ODR4: variants seen among roughly 807,000 people sequenced by gnomAD.
The protein encoded by ODR4 is odr-4 GPCR localization factor homolog.
A neutral mutation model predicts 60.2 loss-of-function variants in ODR4; 47 were observed. That is an observed-to-expected ratio of 0.78 (90% CI 0.62 to 1.00). The LOEUF is 1.00. ODR4 is among the 50% of genes least tolerant of loss of function. The pLI is 0.00. For synonymous variants in ODR4, 178 were observed against 175.5 expected (o/e 1.01, Z -0.11); for missense variants, 488 against 530.8 (o/e 0.92, Z 0.79).
intron 12 of ODR4, among the ~76,000 whole-genome samples, chr1:186,414,524 C>CTTT (rs753376955): frequency 1.4e-5 from 2 of 139,438 alleles, no homozygotes; most frequent in African/African-American, 2.6e-5. Flanking sequence ...AAACAAAAAC[C>CTTT]TTTTTTTTTT....
chr1:186,388,309 C>T, intron 4 of ODR4, 133 bp from the exon 5 acceptor site: 1 of 551,208 alleles, frequency 1.8e-6, no homozygotes, highest in Non-Finnish European at 3.1e-6. Flanking sequence ...TAGTGAGACC[C>T]CTTCTCCAAT....
chr1:186,394,097 A>C, intron 9 of ODR4, 82 bp downstream of exon 9: 1 of 852,434 alleles, frequency 1.2e-6, no homozygotes, highest in Admixed American at 2.9e-5. Flanking sequence ...TTCTCATTAG[A>C]GAATAAAAGG....
chr1:186,424,986 A>C (rs3115750), downstream of ODR4, among the ~76,000 whole-genome samples: 22,574 of 147,666 alleles, frequency 0.15, 2,095 homozygotes, highest in Non-Finnish European at 0.21. Context: ...AAAAAAAAAA[A>C]CCCCTTTTTG....
At chr1:186,383,273 C>A in intron 3 of ODR4, 117 bp downstream of exon 3, 1 of 1,173,282 alleles carries the variant, frequency 8.5e-7, no homozygotes, top group Non-Finnish European at 1.2e-6. Flanking sequence ...CTAAAGATGA[C>A]TGAGATTTTT....
At chr1:186,399,348 G>A in intron 11 of ODR4, 1 of 372,956 alleles carries the variant, frequency 2.7e-6, no homozygotes, top group South Asian at 2.3e-5. Flanking sequence ...TGGGCCTGCA[G>A]GCACATGCCA....
chr1:186,400,779 C>T (rs1384884757), intron 11 of ODR4: 2 of 320,552 alleles, frequency 6.2e-6, no homozygotes, highest in African/African-American at 4.4e-5. Flanking sequence ...AATTCACAAC[C>T]CTAAAGTTCC....
rs762499973 is a variant in ODR4, at chr1:186,386,033, A to G, written c.280A>G (p.Ile94Val). The change falls in exon 4 of 14, where the codon ATT (isoleucine) becomes GTT (valine). Residue 94 changes from isoleucine (I) to valine (V), a missense_variant. Physicochemically the swap from Ile to Val is conservative, Grantham distance 29 (BLOSUM62 3). Coordinates refer to ENST00000287859, the MANE Select transcript of ODR4 (RefSeq NM_017847.6). Reference protein sequence around the residue: ...PGGLLVLGVFIITTLELANDF... With the variant: ...PGGLLVLGVFVITTLELANDF... ...GGGACTTTTAGTTCTTGGAGTATTTATTATTACTACTTTAGAACTGGCAAA... is the reference window on the plus strand; with the variant it reads ...GGGACTTTTAGTTCTTGGAGTATTTGTTATTACTACTTTAGAACTGGCAAA... 2.5e-6 allele frequency: 4 copies of G among 1,606,462 alleles called. No individual in the cohort carries two copies. Among genetic ancestry groups the G allele is most frequent in the Middle Eastern group, 1.7e-4 (1 of 6,008 alleles).
intron 4 of ODR4, 54 bp from the exon 5 acceptor site, chr1:186,388,388 T>A: frequency 3.9e-6 from 4 of 1,018,886 alleles, no homozygotes; most frequent in Non-Finnish European, 5.7e-6. Context: ...ATTTCAACAC[T>A]CATCTTTTTT....
chr1:186,382,986 T>A (rs1391473366), intron 2 of ODR4, 36 bp from the exon 3 acceptor site: 1 of 1,556,164 alleles, frequency 6.4e-7, no homozygotes, highest in African/African-American at 1.4e-5. Context: ...AGGAATCAGA[T>A]ATCACTCTAA....
chr1:186,381,546 C>T (rs1007306063), intron 2 of ODR4, among the ~76,000 whole-genome samples: 7 of 152,100 alleles, frequency 4.6e-5, no homozygotes, highest in Non-Finnish European at 7.4e-5. Flanking sequence ...CCAGGATGGT[C>T]TCGATCTCCT....
chr1:186,386,841 G>A (rs1660269932), intron 4 of ODR4, among the ~76,000 whole-genome samples: 1 of 152,034 alleles, frequency 6.6e-6, no homozygotes. Flanking sequence ...GATTATTCCT[G>A]GACACAGTAT....
intron 9 of ODR4, among the ~76,000 whole-genome samples, chr1:186,397,633 A>C (rs1660755071): frequency 6.6e-6 from 1 of 152,218 alleles, no homozygotes; most frequent in Admixed American, 6.5e-5. Flanking sequence ...ATTGGTGCTC[A>C]ATAAGTTTTG....
intron 13 of ODR4, among the ~76,000 whole-genome samples, chr1:186,418,244 G>GTGTC (rs1044868210): frequency 6.7e-6 from 1 of 150,212 alleles, no homozygotes; most frequent in Non-Finnish European, 1.5e-5. Context: ...ACATGTGTGT[G>GTGTC]TGTCTGTCTG....
intron 12 of ODR4, among the ~76,000 whole-genome samples, chr1:186,416,302 G>A (rs1455807962): frequency 1.3e-5 from 2 of 151,858 alleles, no homozygotes; most frequent in Admixed American, 1.3e-4. Context: ...TTGGGAGGCC[G>A]AGACAGGCAG....
At position 186,386,052 on chromosome 1, in the gene ODR4, T is replaced by C. The variant is rs1484678571; in HGVS notation, c.299T>C (p.Leu100Pro). Residue 100 changes from leucine (L) to proline (P), a missense_variant, in exon 4 of 14, where the codon CTG (leucine) becomes CCG (proline). Coordinates refer to ENST00000287859, the MANE Select transcript of ODR4 (RefSeq NM_017847.6). ...LGVFIITTLELANDFQNALRR... is the reference protein window; with the variant it reads ...LGVFIITTLEPANDFQNALRR... Reference sequence around the variant, plus strand: ...GTATTTATTATTACTACTTTAGAACTGGCAAATGATTTTCAAAATGCCCTG... The same window carrying C: ...GTATTTATTATTACTACTTTAGAACCGGCAAATGATTTTCAAAATGCCCTG... 46 of 1,602,990 alleles carry C rather than the reference T, an allele frequency of 2.9e-5. No homozygotes were observed. Among genetic ancestry groups the C allele is most frequent in the Non-Finnish European group, 3.9e-5 (46 of 1,173,816 alleles).
intron 6 of ODR4, 113 bp from the exon 7 acceptor site, chr1:186,390,598 T>A: frequency 9.5e-7 from 1 of 1,050,210 alleles, no homozygotes; most frequent in Non-Finnish European, 1.4e-6. Context: ...GCCATATATG[T>A]TAGATATGAG....
At chr1:186,396,730 T>TAGAC (rs1660694056) in intron 9 of ODR4, among the ~76,000 whole-genome samples, 2 of 151,274 alleles carry the variant, frequency 1.3e-5, no homozygotes, top group South Asian at 4.2e-4. Flanking sequence ...TATAGATAGA[T>TAGAC]AGATAGATAG....
intron 11 of ODR4, chr1:186,401,155 A>G (rs1660929464): frequency 6.3e-7 from 1 of 1,591,352 alleles, no homozygotes; most frequent in Non-Finnish European, 8.6e-7. Flanking sequence ...CTATCCTGGT[A>G]TTCTTTCATA....
intron 1 of ODR4, 46 bp from the exon 2 acceptor site, chr1:186,379,721 A>G (rs1360918978): frequency 8.8e-6 from 9 of 1,019,272 alleles, no homozygotes; most frequent in Non-Finnish European, 1.3e-5. Flanking sequence ...AGACATTGCA[A>G]ATGATATTTT....
Sources: allele counts gnomAD v4.1 joint callset (sites outside exome capture counted in the v4.1 genomes callset), GRCh38; gene constraint gnomAD v4.1.1; transcripts MANE v1.5; gene names NCBI Gene and HGNC (gene_info 2026-07-23, HGNC 2026-07-21).